Variants in EPHA6 observed in about 807,000 individuals in gnomAD.
The protein encoded by EPHA6 is EPH receptor A6, also known as ephrin type-A receptor 6.
EPHA6 carries 50 observed loss-of-function variants against 112.0 expected under a neutral mutation model. The ratio of observed to expected loss-of-function variants is 0.45; its 90% confidence interval spans 0.36 to 0.56. The LOEUF is 0.56. EPHA6 is among the 20% of genes least tolerant of loss of function. The probability of loss-of-function intolerance (pLI) is 0.00; values close to 1 mark genes in which losing one functional copy is unlikely to be tolerated. For synonymous variants in EPHA6, 529 were observed against 490.7 expected (o/e 1.08, Z -1.03); for missense variants, 1,280 against 1,417.4 (o/e 0.90, Z 1.56).
chr3:97,310,141 C>T (rs2081488439), intron 5 of EPHA6, among the ~76,000 whole-genome samples: 1 of 151,466 alleles, frequency 6.6e-6, no homozygotes, highest in African/African-American at 2.4e-5. Context: ...CTCCCACCCC[C>T]ACAACTCCTC....
At chr3:97,135,290 C>T (rs548553031) in intron 3 of EPHA6, among the ~76,000 whole-genome samples, 25 of 152,232 alleles carry the variant, frequency 1.6e-4, no homozygotes, top group Middle Eastern at 3.4e-3. Flanking sequence ...TTAATTTCTG[C>T]AAGCTCATAA....
intron 3 of EPHA6, among the ~76,000 whole-genome samples, chr3:97,081,873 T>C (rs2046730964): frequency 6.6e-6 from 1 of 151,470 alleles, no homozygotes. Flanking sequence ...TGATAAAATT[T>C]GGGGAACAAA....
chr3:97,023,580 C>G (rs921320582), intron 3 of EPHA6, among the ~76,000 whole-genome samples: 6 of 151,718 alleles, frequency 4.0e-5, no homozygotes, highest in African/African-American at 1.5e-4. Flanking sequence ...ATAATATTAG[C>G]AAACAAGACT....
chr3:97,678,033 G>A (rs963336752), intron 14 of EPHA6, among the ~76,000 whole-genome samples: 6 of 152,098 alleles, frequency 3.9e-5, no homozygotes, highest in Non-Finnish European at 7.4e-5. Flanking sequence ...ATTCCTGGAG[G>A]GAGGAACTGT....
intron 5 of EPHA6, among the ~76,000 whole-genome samples, chr3:97,285,426 C>T (rs2108674328): frequency 6.6e-6 from 1 of 152,208 alleles, no homozygotes; most frequent in Admixed American, 6.5e-5. Context: ...TCTCTACCTC[C>T]ATGAGATCAA....
intron 14 of EPHA6, among the ~76,000 whole-genome samples, chr3:97,704,725 T>C (rs995015959): frequency 6.6e-6 from 1 of 152,168 alleles, no homozygotes; most frequent in African/African-American, 2.4e-5. Context: ...TTTTATTATG[T>C]TCCTTGTAAT....
chr3:97,084,101 G>A (rs867786051), intron 3 of EPHA6, among the ~76,000 whole-genome samples: 1 of 103,576 alleles, frequency 9.7e-6, no homozygotes, highest in Non-Finnish European at 2.0e-5. Flanking sequence ...TGTGTGCATG[G>A]ATATATATAT....
chr3:97,137,796 TAACA>T (rs1462087470), intron 3 of EPHA6, among the ~76,000 whole-genome samples: 1 of 152,140 alleles, frequency 6.6e-6, no homozygotes, highest in East Asian at 1.9e-4. Flanking sequence ...TATACATATG[TAACA>T]AACCTGCACG....
intron 6 of EPHA6, among the ~76,000 whole-genome samples, chr3:97,435,002 T>G (rs2089745674): frequency 6.6e-6 from 1 of 150,388 alleles, no homozygotes; most frequent in Admixed American, 6.6e-5. Context: ...GCCATACATC[T>G]TAGATTGCCA....
At chr3:97,570,474 G>T (rs1215813108) in intron 11 of EPHA6, among the ~76,000 whole-genome samples, 1 of 152,180 alleles carries the variant, frequency 6.6e-6, no homozygotes, top group Non-Finnish European at 1.5e-5. Flanking sequence ...GCTCACGCCT[G>T]TAATCCCAGT....
intron 3 of EPHA6, among the ~76,000 whole-genome samples, chr3:97,112,415 A>G (rs892626908): frequency 1.3e-5 from 2 of 152,144 alleles, no homozygotes; most frequent in Non-Finnish European, 2.9e-5. Context: ...TCTGGTGATT[A>G]TTACTACAAT....
intron 11 of EPHA6, among the ~76,000 whole-genome samples, chr3:97,539,814 C>A (rs2092823423): frequency 6.6e-6 from 1 of 152,156 alleles, no homozygotes. Context: ...GAAGCAGGAT[C>A]ATTTGCTGAG....
chr3:96,877,771 G>C (rs1327046352), intron 2 of EPHA6, among the ~76,000 whole-genome samples: 1 of 151,848 alleles, frequency 6.6e-6, no homozygotes, highest in Non-Finnish European at 1.5e-5. Context: ...AAAACCTGTT[G>C]TGCTAATAAA....
At chr3:96,950,954 T>C (rs1440976227) in intron 2 of EPHA6, among the ~76,000 whole-genome samples, 4 of 152,112 alleles carry the variant, frequency 2.6e-5, no homozygotes, top group African/African-American at 9.6e-5. Context: ...TCTTTTATTC[T>C]TTTTCTGTTT....
chr3:97,728,938 G>T (rs1050149681), intron 15 of EPHA6, among the ~76,000 whole-genome samples: 1 of 152,016 alleles, frequency 6.6e-6, no homozygotes, highest in Non-Finnish European at 1.5e-5. Context: ...TTAACAATCC[G>T]TAAAAAGGAG....
chr3:97,169,269 A>G (rs2076626248), intron 3 of EPHA6, among the ~76,000 whole-genome samples: 1 of 152,180 alleles, frequency 6.6e-6, no homozygotes, highest in Non-Finnish European at 1.5e-5. Context: ...CATTCAATGT[A>G]GCATCACATG....
At chr3:97,683,929 T>C (rs1331902719) in intron 14 of EPHA6, among the ~76,000 whole-genome samples, 1 of 152,110 alleles carries the variant, frequency 6.6e-6, no homozygotes, top group Non-Finnish European at 1.5e-5. Context: ...AAATCAATCA[T>C]AGGCAAAGAG....
intron 13 of EPHA6, among the ~76,000 whole-genome samples, chr3:97,616,093 C>G (rs149047203): frequency 6.6e-6 from 1 of 152,244 alleles, no homozygotes; most frequent in East Asian, 1.9e-4. Flanking sequence ...AGATCCATAC[C>G]TCCTGGGACA....
At chr3:96,933,453 T>G (rs1228439042) in intron 2 of EPHA6, among the ~76,000 whole-genome samples, 1 of 152,164 alleles carries the variant, frequency 6.6e-6, no homozygotes, top group Non-Finnish European at 1.5e-5. Context: ...TTTCATGATT[T>G]TGGAATGTAG....
Sources: allele counts gnomAD v4.1 joint callset (sites outside exome capture counted in the v4.1 genomes callset), GRCh38; gene constraint gnomAD v4.1.1; transcripts MANE v1.5; gene names NCBI Gene and HGNC (gene_info 2026-07-23, HGNC 2026-07-21).